The following WDR70 variants were observed in gnomAD, a reference collection of about 807,000 sequenced individuals.
WDR70 encodes the protein WD repeat domain 70, also known as WD repeat-containing protein 70.
A neutral mutation model predicts 88.6 loss-of-function variants in WDR70; 53 were observed. That is an observed-to-expected ratio of 0.60 (90% confidence interval 0.48 to 0.75). The LOEUF is 0.75. Ranked by LOEUF, WDR70 falls within the 30% of genes least tolerant of loss-of-function variation. WDR70 has a pLI of 0.00. For synonymous variants in WDR70, 280 were observed against 270.0 expected, an observed-to-expected ratio of 1.04 and a Z score of -0.36; for missense variants, 610 against 823.2, an observed-to-expected ratio of 0.74 and a Z score of 3.17.
At chr5:37,525,743 TAAAAG>T (rs1263098853) in intron 9 of WDR70, among the ~76,000 whole-genome samples, 1 of 151,632 alleles carries the variant, frequency 6.6e-6, no homozygotes, top group Non-Finnish European at 1.5e-5. Flanking sequence ...GCAAGACTAA[TAAAAG>T]AAGAAAAGAG....
rs533937026 is a variant in WDR70 at position 37,457,157 on chromosome 5, G to A, written c.686+13785G>A. Among the ~76,000 whole-genome samples, 329 of 152,042 alleles carry A rather than the reference G, an allele frequency of 2.2e-3. 2 individuals are homozygous for A. In the Middle Eastern group the frequency reaches 0.024, roughly 11 times the overall value. On this transcript the variant is annotated intron_variant, in intron 7 of 17. Transcript: ENST00000265107. ...GTCGCCTGGGCTGGAGTGCGGTGGC[G>A]CAATCTTGGCTCACCACAACCTCCA...
At chr5:37,729,958 G>C (rs1215956175) in intron 17 of WDR70, among the ~76,000 whole-genome samples, 1 of 151,798 alleles carries the variant, frequency 6.6e-6, no homozygotes, top group African/African-American at 2.4e-5. Flanking sequence ...TGTATCTTTC[G>C]GGTATTTCTT....
intron 10 of WDR70, among the ~76,000 whole-genome samples, chr5:37,652,159 C>G (rs188459323): frequency 1.2e-3 from 187 of 152,312 alleles, no homozygotes; most frequent in African/African-American, 4.4e-3. Flanking sequence ...CTGCATATGG[C>G]TAGCCAGTTT....
At chr5:37,527,077 T>A (rs1013208799) in intron 9 of WDR70, among the ~76,000 whole-genome samples, 1 of 152,166 alleles carries the variant, frequency 6.6e-6, no homozygotes, top group African/African-American at 2.4e-5. Flanking sequence ...ATAGATTCAA[T>A]GCCATCCCCA....
intron 7 of WDR70, among the ~76,000 whole-genome samples, chr5:37,452,066 T>G (rs1738693021): frequency 6.6e-6 from 1 of 152,126 alleles, no homozygotes; most frequent in South Asian, 2.1e-4. Flanking sequence ...TCCCCTCCAA[T>G]TTCATTCTCT....
At chr5:37,478,450 G>A (rs1739553919) in intron 7 of WDR70, among the ~76,000 whole-genome samples, 1 of 152,106 alleles carries the variant, frequency 6.6e-6, no homozygotes, top group Non-Finnish European at 1.5e-5. Flanking sequence ...ACCACTTTTG[G>A]TATCAACTCT....
intron 12 of WDR70, among the ~76,000 whole-genome samples, chr5:37,701,717 C>T (rs753562935): frequency 7.5e-5 from 11 of 145,994 alleles, no homozygotes; most frequent in Non-Finnish European, 1.6e-4. Context: ...ACCTGGGAGG[C>T]GGAGCTTACA....
At position 37,666,139 on chromosome 5, in the gene WDR70, A is replaced by G. The variant is rs564494858; in HGVS notation, c.1093-31516A>G. 1.1e-4 allele frequency among the ~76,000 whole-genome samples: 16 copies of G among 152,324 alleles called. No individual in the cohort carries two copies. The East Asian group carries it at 3.1e-3, about 29-fold the overall frequency. On this transcript the variant is annotated intron_variant, in intron 10 of 17. Coordinates refer to ENST00000265107, the MANE Select transcript of WDR70 (RefSeq NM_018034.4). Reference sequence around the variant, plus strand: ...GCCGGGCTTTCCCTCCCGTCTAGGCAGGTCATTCCACGGCGCTGTGCTTCC... The same window carrying G: ...GCCGGGCTTTCCCTCCCGTCTAGGCGGGTCATTCCACGGCGCTGTGCTTCC...
intron 10 of WDR70, among the ~76,000 whole-genome samples, chr5:37,642,273 A>G (rs987455037): frequency 1.3e-5 from 2 of 152,120 alleles, no homozygotes; most frequent in African/African-American, 4.8e-5. Context: ...CCAAATGCTT[A>G]GTAAGTTTGT....
intron 10 of WDR70, among the ~76,000 whole-genome samples, chr5:37,645,143 C>T (rs888894047): frequency 2.7e-5 from 4 of 149,680 alleles, no homozygotes; most frequent in Admixed American, 2.7e-4. Context: ...ACTGCTGTTG[C>T]TGTATCCCAT....
At chr5:37,384,643 G>GC (rs1748547237) in intron 3 of WDR70, among the ~76,000 whole-genome samples, 1 of 118,896 alleles carries the variant, frequency 8.4e-6, no homozygotes, top group African/African-American at 3.3e-5. Flanking sequence ...CTGGGCGACA[G>GC]AGTGAGACTC....
intron 9 of WDR70, among the ~76,000 whole-genome samples, chr5:37,549,527 T>G (rs961511082): frequency 6.6e-6 from 1 of 152,178 alleles, no homozygotes; most frequent in African/African-American, 2.4e-5. Context: ...GTTCTCATAG[T>G]TTTTTGGTAG....
At chr5:37,704,322 C>A (rs1211004788) in intron 13 of WDR70, among the ~76,000 whole-genome samples, 1 of 152,156 alleles carries the variant, frequency 6.6e-6, no homozygotes, top group Non-Finnish European at 1.5e-5. Context: ...AAGCTGTGTT[C>A]TACTATGCCT....
intron 7 of WDR70, among the ~76,000 whole-genome samples, chr5:37,467,683 C>G (rs1739199457): frequency 6.6e-6 from 1 of 151,772 alleles, no homozygotes; most frequent in Non-Finnish European, 1.5e-5. Context: ...ACTAAGGTGC[C>G]CGCCACTGCG....
At chr5:37,740,129 G>A (rs1748430561) in intron 17 of WDR70, among the ~76,000 whole-genome samples, 1 of 152,050 alleles carries the variant, frequency 6.6e-6, no homozygotes, top group Admixed American at 6.6e-5. Context: ...TCTGTGCCAA[G>A]GGCAAATTAG....
Position 37,731,967 on chromosome 5 carries a change from G to A in WDR70, c.1877+4922G>A, listed in dbSNP as rs183380307. Among the ~76,000 whole-genome samples the A allele has an allele frequency of 2.0e-3, 263 of 133,598 alleles. 1 individual carries two copies. Among genetic ancestry groups the A allele is most frequent in the African/African-American group, 6.4e-3 (253 of 39,382 alleles). The allele number at this position is 133,598 out of a possible 152,430, so 87.6% of individuals were successfully genotyped here. On this transcript the variant is annotated intron_variant, in intron 17 of 17. Coordinates refer to ENST00000265107, the MANE Select transcript of WDR70 (RefSeq NM_018034.4). ...AGGAGCCTGGCCTTAGAATTTCCAG[G>A]TTATTGTTCTGACATCTAATAACGA...
intron 10 of WDR70, among the ~76,000 whole-genome samples, chr5:37,679,527 T>C (rs949094485): frequency 6.6e-6 from 1 of 152,168 alleles, no homozygotes; most frequent in South Asian, 2.1e-4. Flanking sequence ...GTATCAGCAG[T>C]GGTGGCTGCA....
At chr5:37,690,681 G>A (rs1372623907) in intron 10 of WDR70, among the ~76,000 whole-genome samples, 1 of 152,116 alleles carries the variant, frequency 6.6e-6, no homozygotes, top group Non-Finnish European at 1.5e-5. Flanking sequence ...TCAGCACCAG[G>A]CCTGCCTTAA....
intron 10 of WDR70, among the ~76,000 whole-genome samples, chr5:37,647,813 C>T (rs1047805516): frequency 2.0e-5 from 3 of 152,192 alleles, no homozygotes; most frequent in African/African-American, 7.2e-5. Context: ...ATGCTTGTGG[C>T]CACCACCACT....
Sources: allele counts gnomAD v4.1 joint callset (sites outside exome capture counted in the v4.1 genomes callset), GRCh38; gene constraint gnomAD v4.1.1; transcripts MANE v1.5; gene names NCBI Gene and HGNC (gene_info 2026-07-23, HGNC 2026-07-21).